Variants in REDIC1 observed in about 807,000 individuals in gnomAD.
The protein encoded by REDIC1 is HEI10 Interacting Protein 1.
chr12:39,665,540 T>C, the REDIC1 span, among the ~76,000 whole-genome samples: 2 of 150,252 alleles, frequency 1.3e-5, no homozygotes, highest in African/African-American at 4.9e-5. Flanking sequence ...GGCTTAGGAT[T>C]GACTTGGCGA....
At chr12:39,740,693 A>G in the REDIC1 span, among the ~76,000 whole-genome samples, 1 of 152,180 alleles carries the variant, frequency 6.6e-6, no homozygotes, top group Non-Finnish European at 1.5e-5. Context: ...GGAAGAAAGA[A>G]TGGGAGACTT....
the REDIC1 span, among the ~76,000 whole-genome samples, chr12:39,865,878 G>C: frequency 3.9e-5 from 6 of 152,154 alleles, no homozygotes; most frequent in Non-Finnish European, 7.3e-5. Flanking sequence ...GATTACTTGG[G>C]GGTAGAGGGT....
At chr12:39,629,545 T>A in the REDIC1 span, among the ~76,000 whole-genome samples, 1 of 152,216 alleles carries the variant, frequency 6.6e-6, no homozygotes, top group East Asian at 1.9e-4. Context: ...ACTGGGCATT[T>A]GACCCTTTGC....
the REDIC1 span, among the ~76,000 whole-genome samples, chr12:39,670,702 T>C: frequency 2.0e-5 from 3 of 152,146 alleles, no homozygotes; most frequent in Non-Finnish European, 4.4e-5. Context: ...TTTTGTCACT[T>C]TATGGTGTGT....
the REDIC1 span, among the ~76,000 whole-genome samples, chr12:39,694,005 GGATA>G: frequency 1.3e-5 from 2 of 152,138 alleles, no homozygotes; most frequent in Admixed American, 6.5e-5. Context: ...ACAGGGGGAC[GGATA>G]GATAGAAGTT....
chr12:39,899,906 T>A, the REDIC1 span, among the ~76,000 whole-genome samples: 2 of 152,078 alleles, frequency 1.3e-5, no homozygotes, highest in African/African-American at 4.8e-5. Flanking sequence ...TCCAACTATG[T>A]GGTCAATTTT....
chr12:39,720,888 G>T, the REDIC1 span: 1 of 1,613,166 alleles, frequency 6.2e-7, no homozygotes, highest in Non-Finnish European at 8.5e-7. Flanking sequence ...TAGAAAGGAT[G>T]GCAAAACTTT....
chr12:39,863,173 A>T, the REDIC1 span, among the ~76,000 whole-genome samples: 1 of 152,146 alleles, frequency 6.6e-6, no homozygotes, highest in Admixed American at 6.5e-5. Context: ...CACTTCTCTT[A>T]CCTCATTAAA....
the REDIC1 span, among the ~76,000 whole-genome samples, chr12:39,862,701 A>G: frequency 6.6e-6 from 1 of 152,118 alleles, no homozygotes; most frequent in African/African-American, 2.4e-5. Context: ...ATGTATATAG[A>G]TGGTTTTTAT....
chr12:39,716,792 A>G, the REDIC1 span: 1 of 1,601,606 alleles, frequency 6.2e-7, no homozygotes, highest in Admixed American at 1.7e-5. Flanking sequence ...TCTACTAGTT[A>G]CTCTCCAAGA....
At chr12:39,671,877 T>C in the REDIC1 span, among the ~76,000 whole-genome samples, 1 of 152,066 alleles carries the variant, frequency 6.6e-6, no homozygotes, top group Non-Finnish European at 1.5e-5. Context: ...CTGGGTCTGT[T>C]GTTAGACTCA....
chr12:39,907,733 TA>T, the REDIC1 span: 11,172 of 152,184 alleles, frequency 0.073, 586 homozygotes, highest in Admixed American at 0.13. Context: ...CAGGAAGCTG[TA>T]AATGTCTGGA....
chr12:39,631,042 C>T, the REDIC1 span, among the ~76,000 whole-genome samples: 3 of 152,140 alleles, frequency 2.0e-5, no homozygotes, highest in Admixed American at 2.0e-4. Flanking sequence ...GAACCTGCCA[C>T]TATGCCCAGC....
At chr12:39,728,520 T>C in the REDIC1 span, among the ~76,000 whole-genome samples, 1 of 152,138 alleles carries the variant, frequency 6.6e-6, no homozygotes, top group South Asian at 2.1e-4. Context: ...TGGATAAGCT[T>C]TTTGATGTGC....
At chr12:39,715,764 C>T in the REDIC1 span, among the ~76,000 whole-genome samples, 8 of 151,770 alleles carry the variant, frequency 5.3e-5, no homozygotes, top group Non-Finnish European at 1.0e-4. Context: ...AAGGTGAGAA[C>T]ATTCATTCAG....
At chr12:39,716,646 T>C in the REDIC1 span, 1 of 716,208 alleles carries the variant, frequency 1.4e-6, no homozygotes, top group Non-Finnish European at 2.3e-6. Context: ...TTAAAGTGTT[T>C]TGTGTTGTTA....
At chr12:39,712,241 T>C in the REDIC1 span, among the ~76,000 whole-genome samples, 1 of 143,798 alleles carries the variant, frequency 7.0e-6, no homozygotes, top group East Asian at 2.1e-4. Flanking sequence ...CCTATATGTA[T>C]ATGTACATAC....
At chr12:39,712,842 CGT>C in the REDIC1 span, among the ~76,000 whole-genome samples, 1 of 119,740 alleles carries the variant, frequency 8.4e-6, no homozygotes, top group Non-Finnish European at 1.9e-5. Context: ...TACATATACA[CGT>C]ATATACACAT....
chr12:39,770,645 C>T, the REDIC1 span, among the ~76,000 whole-genome samples: 1 of 152,152 alleles, frequency 6.6e-6, no homozygotes, highest in African/African-American at 2.4e-5. Context: ...AGAGCATCTG[C>T]ACACTCAATG....
Sources: allele counts gnomAD v4.1 joint callset (sites outside exome capture counted in the v4.1 genomes callset), GRCh38; gene constraint gnomAD v4.1.1; transcripts MANE v1.5; gene names NCBI Gene and HGNC (gene_info 2026-07-23, HGNC 2026-07-21).